The following TNFSF12 variants were observed in gnomAD, a reference collection of about 807,000 sequenced individuals.
The protein encoded by TNFSF12 is tumor necrosis factor ligand superfamily member 12.
Under a neutral mutation model 31.2 loss-of-function variants are expected in TNFSF12, and 16 were observed. The ratio of observed to expected loss-of-function variants is 0.51; its 90% confidence interval spans 0.35 to 0.78. The LOEUF (loss-of-function observed/expected upper bound fraction) is 0.78. Among genes scored for constraint, TNFSF12 ranks in the 30% least tolerant of loss-of-function variants. The pLI is 0.01. For missense variants in TNFSF12, 324 were observed against 338.8 expected (o/e 0.96, Z 0.34); for synonymous variants, 150 against 151.4 (o/e 0.99, Z 0.07).
At chr17:7,554,489 T>A (rs1597826361) in intron 5 of TNFSF12, among the ~76,000 whole-genome samples, 1 of 151,094 alleles carries the variant, frequency 6.6e-6, no homozygotes, top group African/African-American at 2.4e-5. Flanking sequence ...AATTTTTTTT[T>A]ATTTTTTAGT....
chr17:7,557,163 C>T lies in TNFSF12; in HGVS notation c.563C>T (p.Ala188Val), dbSNP rs2071082084. 6.2e-7 allele frequency: 1 copy of T among 1,612,456 alleles called. No individual in the cohort carries two copies. The highest frequency in any genetic ancestry group is 8.5e-7 in the Non-Finnish European group (1 of 1,178,850). ...GACTTGCTGGTGGATGGTGTGCTGG[C>T]CCTGCGCTGCCTGGAGGAATTCTCA... ...KLDLLVDGVL[A>V]LRCLEEFSAT... The change falls in exon 7 of 7, where the codon GCC becomes GTC. Residue 188 changes from alanine to valine, a missense_variant. By Grantham distance (64) the Ala-to-Val change is moderately conservative (BLOSUM62 0). Transcript: ENST00000293825. This position sits in a 1 kb window ranked among gnomAD's most constrained non-coding sequence, Gnocchi z 5.2.
At position 7,549,235 on chromosome 17, in the gene TNFSF12, C is replaced by T. The variant is rs1229775706; in HGVS notation, c.82C>T (p.Leu28=). Residue 28 remains leucine, a synonymous_variant, in exon 1 of 7, where the codon CTG becomes TTG. Transcript: ENST00000293825. The surrounding 1 kb of genome is among the most constrained non-coding windows in gnomAD (Gnocchi z 4.1). ...TALLVPLALG[L]GLALACLGLL... Reference sequence around the variant, plus strand: ...CCTGCTGGTCCCGCTCGCGCTGGGCCTGGGCCTGGCGCTGGCCTGCCTCGG... The same window carrying T: ...CCTGCTGGTCCCGCTCGCGCTGGGCTTGGGCCTGGCGCTGGCCTGCCTCGG... The T allele has an allele frequency of 7.2e-7, 1 of 1,385,692 alleles. No homozygotes were observed. Among genetic ancestry groups the T allele is most frequent in the Admixed American group, 3.3e-5 (1 of 30,306 alleles). The allele number at this position is 1,385,692 out of a possible 1,614,324, so 85.8% of individuals were successfully genotyped here.
At chr17:7,553,044 T>C (rs1366924146) in intron 5 of TNFSF12, among the ~76,000 whole-genome samples, 4 of 84,836 alleles carry the variant, frequency 4.7e-5, no homozygotes, top group East Asian at 4.5e-4. Context: ...TTTTTTTTTT[T>C]TTTTTTTTTT....
chr17:7,550,056 GCCCCGTATGTCTCACTTT>G lies in TNFSF12; in HGVS notation c.208-63_208-46del. ...TGCTGGCTGGTGGCTCTCCTGACAG[GCCCCGTATGTCTCACTTT>G]ATATCTCTGGGAGTCTGTGGTTGAA... On this transcript the variant is annotated intron_variant, in intron 2 of 6. Coordinates refer to ENST00000293825, the MANE Select transcript of TNFSF12 (RefSeq NM_003809.3). The surrounding 1 kb of genome is among the most constrained non-coding windows in gnomAD (Gnocchi z 4.4). 3.7e-6 allele frequency: 6 copies of G among 1,612,098 alleles called. No individual in the cohort carries two copies.
chr17:7,556,664 ATG>A (rs1357488329), intron 5 of TNFSF12, 112 bp from the exon 6 acceptor site: 2 of 1,341,070 alleles, frequency 1.5e-6, no homozygotes, highest in Non-Finnish European at 1.9e-6. Flanking sequence ...GGGGTGATCT[ATG>A]TGTCTTCTGG....
Position 7,557,263 on chromosome 17 carries a change from G to A in TNFSF12, c.663G>A (p.Gly221=). Residue 221 remains glycine, a synonymous_variant, in exon 7 of 7, where the codon GGG becomes GGA. Transcript: ENST00000293825. This position sits in a 1 kb window ranked among gnomAD's most constrained non-coding sequence, Gnocchi z 5.2. Reference sequence around the variant, plus strand: ...CTGGGCTGTTGGCCCTGCGGCCAGGGTCCTCCCTGCGGATCCGCACCCTCC... The same window carrying A: ...CTGGGCTGTTGGCCCTGCGGCCAGGATCCTCCCTGCGGATCCGCACCCTCC... ...QVSGLLALRP[G]SSLRIRTLPW... 1.2e-6 allele frequency: 2 copies of A among 1,613,796 alleles called. No individual in the cohort carries two copies. Among genetic ancestry groups the A allele is most frequent in the South Asian group, 2.2e-5 (2 of 91,070 alleles).
rs2070985258 is a variant in TNFSF12, at chr17:7,550,214, C to T, written c.283+19C>T. 1 of 1,614,002 alleles carries T rather than the reference C, an allele frequency of 6.2e-7. No homozygotes were observed. The highest frequency in any genetic ancestry group is 1.3e-5 in the African/African-American group (1 of 74,912). Reference sequence around the variant, plus strand: ...AGAAGTGGTGAGCATCCCTCTATCCCAACCTCAGGAAGCGGGCAGAGCAAA... The same window carrying T: ...AGAAGTGGTGAGCATCCCTCTATCCTAACCTCAGGAAGCGGGCAGAGCAAA... On this transcript the variant is annotated intron_variant, in intron 3 of 6. Coordinates refer to ENST00000293825, the MANE Select transcript of TNFSF12 (RefSeq NM_003809.3). The surrounding 1 kb of genome is among the most constrained non-coding windows in gnomAD (Gnocchi z 4.4).
chr17:7,550,703 A>G lies in TNFSF12; in HGVS notation c.284-96A>G. The G allele has an allele frequency of 1.3e-6, 2 of 1,529,082 alleles. No homozygotes were observed. Among genetic ancestry groups the G allele is most frequent in the Admixed American group, 3.8e-5 (2 of 52,064 alleles). The allele number at this position is 1,529,082 out of a possible 1,614,324, so 94.7% of individuals were successfully genotyped here. Reference sequence around the variant, plus strand: ...GCCAGGAGTCTGGACAAGAATAAGGATGCCAGGGTTCCTGAGAGGGGAATG... The same window carrying G: ...GCCAGGAGTCTGGACAAGAATAAGGGTGCCAGGGTTCCTGAGAGGGGAATG... On this transcript the variant is annotated intron_variant, in intron 3 of 6. Transcript: ENST00000293825. The surrounding 1 kb of genome is among the most constrained non-coding windows in gnomAD (Gnocchi z 4.4).
intron 5 of TNFSF12, 122 bp from the exon 6 acceptor site, chr17:7,556,656 G>A: frequency 1.5e-6 from 2 of 1,333,524 alleles, no homozygotes; most frequent in Non-Finnish European, 9.7e-7. Flanking sequence ...CCTTGCCCGG[G>A]GTGATCTATG....
rs764718533 is a variant in TNFSF12, at chr17:7,549,478, C to T, written c.164C>T (p.Pro55Leu). Reference protein sequence around the residue: ...GSRASLSAQEPAQEELVAEED... With the variant: ...GSRASLSAQELAQEELVAEED... ...ACGCTCCCTCCTTCCCAGCAGGAGC[C>T]TGCCCAGGAGGAGCTGGTGGCAGAG... Residue 55 changes from proline to leucine, a missense_variant, in exon 2 of 7, where the codon CCT (proline) becomes CTT (leucine). By Grantham distance (98) the Pro-to-Leu change is moderately conservative. Coordinates refer to ENST00000293825, the MANE Select transcript of TNFSF12 (RefSeq NM_003809.3). This position sits in a 1 kb window ranked among gnomAD's most constrained non-coding sequence, Gnocchi z 4.1. 1.3e-6 allele frequency: 2 copies of T among 1,535,466 alleles called. No homozygotes were observed. Among genetic ancestry groups the T allele is most frequent in the South Asian group, 1.2e-5 (1 of 82,568 alleles).
chr17:7,553,572 ACCT>A, intron 5 of TNFSF12: 1 of 1,177,304 alleles, frequency 8.5e-7, no homozygotes, highest in Non-Finnish European at 1.1e-6. Flanking sequence ...TACTCTAATT[ACCT>A]CCATTTTACA....
chr17:7,553,172 C>T (rs12602989), intron 5 of TNFSF12, among the ~76,000 whole-genome samples: 23,046 of 151,628 alleles, frequency 0.15, 2,038 homozygotes, highest in East Asian at 0.27. Flanking sequence ...GCCTCAGCCT[C>T]CCCAGTAGCT....
Position 7,550,297 on chromosome 17 carries a change from G to A in TNFSF12, c.283+102G>A. On this transcript the variant is annotated intron_variant, in intron 3 of 6. Transcript: ENST00000293825. This position sits in a 1 kb window ranked among gnomAD's most constrained non-coding sequence, Gnocchi z 4.4. ...GAGGGTGAAAGGAGTTCAGAGTCAT[G>A]CAGCTAACCAGCCAAGACTCAAACC... The A allele has an allele frequency of 6.4e-7, 1 of 1,560,556 alleles. No homozygotes were observed. Among genetic ancestry groups the A allele is most frequent in the Non-Finnish European group, 8.8e-7 (1 of 1,141,584 alleles).
In TNFSF12 at chr17:7,549,235, C is replaced by G. The variant is rs1229775706; in HGVS notation, c.82C>G (p.Leu28Val). ...CCTGCTGGTCCCGCTCGCGCTGGGC[C>G]TGGGCCTGGCGCTGGCCTGCCTCGG... ...TALLVPLALG[L>V]GLALACLGLL... Residue 28 changes from leucine (L) to valine (V), a missense_variant, in exon 1 of 7, where the codon CTG (leucine) becomes GTG (valine). Coordinates refer to ENST00000293825, the MANE Select transcript of TNFSF12 (RefSeq NM_003809.3). This position sits in a 1 kb window ranked among gnomAD's most constrained non-coding sequence, Gnocchi z 4.1. The G allele has an allele frequency of 7.2e-7, 1 of 1,385,574 alleles. No individual in the cohort carries two copies. The highest frequency in any genetic ancestry group is 1.5e-5 in the African/African-American group (1 of 66,052). 85.8% of individuals were successfully genotyped at this position (1,385,574 alleles called of 1,614,324 possible).
chr17:7,557,601 CCA>C lies in TNFSF12; in HGVS notation c.*252_*253del, dbSNP rs2071090457. The C allele has an allele frequency of 1.9e-6, 1 of 521,988 alleles. No homozygotes were observed. Among genetic ancestry groups the C allele is most frequent in the African/African-American group, 1.9e-5 (1 of 52,402 alleles). 32.3% of individuals were successfully genotyped at this position (521,988 alleles called of 1,614,324 possible). A position where few individuals can be genotyped will look rare whatever the true frequency, so the allele number is the denominator to read the frequency against. On this transcript the variant is annotated 3_prime_UTR_variant, in exon 7 of 7. Transcript: ENST00000293825. The surrounding 1 kb of genome is among the most constrained non-coding windows in gnomAD (Gnocchi z 5.2). ...CCCAATCCCTGACCCTTTGAGGCCC[CCA>C]GTGATCTCGACTCCCCCCTGGCCAC...
chr17:7,557,611 C>T lies in TNFSF12; in HGVS notation c.*261C>T, dbSNP rs1037023254. 1.0e-4 allele frequency: 50 copies of T among 489,740 alleles called. No individual in the cohort carries two copies. The highest frequency in any genetic ancestry group is 5.5e-4 in the Middle Eastern group (1 of 1,818). The allele number at this position is 489,740 out of a possible 1,614,324, so 30.3% of individuals were successfully genotyped here. ...GACCCTTTGAGGCCCCCAGTGATCT[C>T]GACTCCCCCCTGGCCACAGACCCCC... On this transcript the variant is annotated 3_prime_UTR_variant, in exon 7 of 7. Coordinates refer to ENST00000293825, the MANE Select transcript of TNFSF12 (RefSeq NM_003809.3). The surrounding 1 kb of genome is among the most constrained non-coding windows in gnomAD (Gnocchi z 5.2).
intron 5 of TNFSF12, among the ~76,000 whole-genome samples, chr17:7,554,743 T>G (rs1184263244): frequency 1.4e-5 from 2 of 144,332 alleles, no homozygotes; most frequent in Non-Finnish European, 3.0e-5. Context: ...GTCTCCCGAG[T>G]AGCTGGGACT....
intron 5 of TNFSF12, among the ~76,000 whole-genome samples, chr17:7,555,855 T>C (rs532419387): frequency 2.0e-5 from 3 of 152,052 alleles, no homozygotes; most frequent in South Asian, 2.1e-4. Flanking sequence ...TGAGGGGCTA[T>C]TGCTGTTCAG....
In TNFSF12 at chr17:7,550,658, A is replaced by T; in HGVS notation, c.284-141A>T. 1 of 1,279,392 alleles carries T rather than the reference A, an allele frequency of 7.8e-7. No homozygotes were observed. Among genetic ancestry groups the T allele is most frequent in the Non-Finnish European group, 1.1e-6 (1 of 925,478 alleles). 79.3% of individuals were successfully genotyped at this position (1,279,392 alleles called of 1,614,324 possible). ...ATAGTCACTCTACTTACTGAGGAAG[A>T]TGAGGCCTGAGATTCTAAGGCCAGG... On this transcript the variant is annotated intron_variant, in intron 3 of 6. Coordinates refer to ENST00000293825, the MANE Select transcript of TNFSF12 (RefSeq NM_003809.3). The surrounding 1 kb of genome is among the most constrained non-coding windows in gnomAD (Gnocchi z 4.4).
Sources: allele counts gnomAD v4.1 joint callset (sites outside exome capture counted in the v4.1 genomes callset), GRCh38; gene constraint gnomAD v4.1.1; non-coding constraint Gnocchi (gnomAD v3.1); transcripts MANE v1.5; gene names NCBI Gene and HGNC (gene_info 2026-07-23, HGNC 2026-07-21).